Variants in ROBO2 observed in about 807,000 individuals in gnomAD.
The protein encoded by ROBO2 is roundabout homolog 2.
Under a neutral mutation model 160.8 loss-of-function variants are expected in ROBO2, and 53 were observed. That is an observed-to-expected ratio of 0.33 (90% CI 0.26 to 0.41). The LOEUF (loss-of-function observed/expected upper bound fraction) is 0.41, where lower values mean the gene tolerates loss of function less well. ROBO2 is among the 10% of genes least tolerant of loss of function. ROBO2 has a pLI of 1.00. For missense variants in ROBO2, 1,577 were observed against 1,722.4 expected (o/e 0.92, Z 1.49); for synonymous variants, 664 against 611.7 (o/e 1.09, Z -1.26).
intron 2 of ROBO2, among the ~76,000 whole-genome samples, chr3:77,115,801 A>T (rs561692493): frequency 1.3e-5 from 2 of 152,334 alleles, no homozygotes; most frequent in East Asian, 3.9e-4. Flanking sequence ...TCAGTCCAAG[A>T]TAAAAATGGT....
At chr3:76,375,196 C>G (rs2076284769) in intron 2 of ROBO2, among the ~76,000 whole-genome samples, 1 of 151,868 alleles carries the variant, frequency 6.6e-6, no homozygotes, top group Non-Finnish European at 1.5e-5. Flanking sequence ...TATGAGTTAC[C>G]TTAAATTTGG....
intron 2 of ROBO2, among the ~76,000 whole-genome samples, chr3:77,291,092 G>A (rs200571883): frequency 4.7e-3 from 707 of 150,450 alleles, no homozygotes; most frequent in Admixed American, 0.031. Context: ...TAAAATTGAC[G>A]GGTAAACGGG....
rs2078679605 is a variant in ROBO2 at position 76,948,021 on chromosome 3, A to C, written c.110-149993A>C. Among the ~76,000 whole-genome samples, 6 of 152,118 alleles carry C rather than the reference A, an allele frequency of 3.9e-5. No individual in the cohort carries two copies. In the South Asian group the frequency reaches 1.2e-3, roughly 31 times the overall value. Reference sequence around the variant, plus strand: ...CCTTTGTTTTTGAAGTATTCTCTTTAGAATTTCTTTTAGTGAGAGTCTAAG... The same window carrying C: ...CCTTTGTTTTTGAAGTATTCTCTTTCGAATTTCTTTTAGTGAGAGTCTAAG... On this transcript the variant is annotated intron_variant, in intron 2 of 26. Transcript: ENST00000487694.
chr3:75,933,185 T>G (rs543091629), intron 1 of ROBO2, among the ~76,000 whole-genome samples: 116 of 152,296 alleles, frequency 7.6e-4, no homozygotes, highest in African/African-American at 2.5e-3. Context: ...TAATGAAAAT[T>G]TTCCATTGAA....
intron 2 of ROBO2, among the ~76,000 whole-genome samples, chr3:76,463,818 G>A (rs1355838370): frequency 6.6e-6 from 1 of 152,122 alleles, no homozygotes; most frequent in African/African-American, 2.4e-5. Context: ...ACTGGTAGTT[G>A]CAATTTCGAG....
intron 15 of ROBO2, among the ~76,000 whole-genome samples, chr3:77,579,176 C>T (rs2093847779): frequency 1.3e-5 from 2 of 152,094 alleles, no homozygotes; most frequent in South Asian, 4.1e-4. Flanking sequence ...CAGTGGATTT[C>T]TTTTCATAAC....
intron 2 of ROBO2, among the ~76,000 whole-genome samples, chr3:76,456,798 A>G (rs2077783411): frequency 6.6e-6 from 1 of 152,198 alleles, no homozygotes; most frequent in Non-Finnish European, 1.5e-5. Context: ...ATGGCTGGGA[A>G]GGCCTCAAAA....
At chr3:76,107,778 A>G (rs2070013398) in intron 2 of ROBO2, among the ~76,000 whole-genome samples, 1 of 152,126 alleles carries the variant, frequency 6.6e-6, no homozygotes, top group Admixed American at 6.6e-5. Flanking sequence ...GGTTTCTGTT[A>G]CAAAATGTTT....
chr3:76,213,012 C>T (rs1281223788), intron 2 of ROBO2, among the ~76,000 whole-genome samples: 1 of 152,276 alleles, frequency 6.6e-6, no homozygotes, highest in East Asian at 1.9e-4. Flanking sequence ...AACACTATCT[C>T]TTTAGCCACA....
intron 2 of ROBO2, among the ~76,000 whole-genome samples, chr3:76,156,184 T>C (rs1011303110): frequency 1.3e-4 from 20 of 152,096 alleles, no homozygotes; most frequent in African/African-American, 4.6e-4. Context: ...TTACATATTA[T>C]AGAAGGAGAT....
intron 2 of ROBO2, among the ~76,000 whole-genome samples, chr3:76,697,384 C>A (rs188378326): frequency 6.6e-6 from 1 of 152,268 alleles, no homozygotes; most frequent in Non-Finnish European, 1.5e-5. Context: ...TGGCTCACAC[C>A]TGTAGTTCCA....
chr3:76,639,361 T>C (rs1247439384), intron 2 of ROBO2, among the ~76,000 whole-genome samples: 1 of 151,946 alleles, frequency 6.6e-6, no homozygotes. Context: ...TACATGCATA[T>C]ATACCTGCAT....
chr3:77,535,061 G>A (rs1269062871), intron 6 of ROBO2, among the ~76,000 whole-genome samples: 1 of 152,070 alleles, frequency 6.6e-6, no homozygotes, highest in Non-Finnish European at 1.5e-5. Flanking sequence ...ACAAAAAGAA[G>A]GCACTAATGA....
chr3:77,431,896 GT>G (rs1158103885), intron 2 of ROBO2, among the ~76,000 whole-genome samples: 1 of 152,126 alleles, frequency 6.6e-6, no homozygotes, highest in Non-Finnish European at 1.5e-5. Context: ...TGACACTGAT[GT>G]TTCTCTGTCT....
intron 2 of ROBO2, among the ~76,000 whole-genome samples, chr3:77,304,522 T>A (rs2062931340): frequency 6.6e-6 from 1 of 152,158 alleles, no homozygotes; most frequent in Non-Finnish European, 1.5e-5. Context: ...TGCAGAGGCT[T>A]TTCAGGGCTG....
chr3:76,005,892 T>C (rs1368818062), intron 2 of ROBO2, among the ~76,000 whole-genome samples: 1 of 152,206 alleles, frequency 6.6e-6, no homozygotes, highest in Non-Finnish European at 1.5e-5. Flanking sequence ...ATATTTCTTT[T>C]TTCAGTATTT....
intron 2 of ROBO2, among the ~76,000 whole-genome samples, chr3:77,218,109 C>T (rs1268225164): frequency 1.3e-5 from 2 of 152,234 alleles, no homozygotes; most frequent in East Asian, 1.9e-4. Flanking sequence ...CATAGACATC[C>T]TGTTTCAGTT....
rs115154923 is a variant in ROBO2, at chr3:76,951,540, C to T, written c.110-146474C>T. 1.7e-3 allele frequency among the ~76,000 whole-genome samples: 263 copies of T among 152,080 alleles called. 1 individual carries two copies. The highest frequency in any genetic ancestry group is 5.3e-3 in the African/African-American group (220 of 41,474). On this transcript the variant is annotated intron_variant, in intron 2 of 26. Transcript: ENST00000487694. ...ATGTGTGTGTTTATTTATAGATTTA[C>T]GTAAAGTTGAAAGAGAAAAAAGAAA...
At chr3:76,267,916 G>T (rs1481283523) in intron 2 of ROBO2, among the ~76,000 whole-genome samples, 1 of 152,110 alleles carries the variant, frequency 6.6e-6, no homozygotes, top group Non-Finnish European at 1.5e-5. Context: ...CCTCACAGCT[G>T]TACTATGCTT....
Sources: gnomAD v4.1 joint callset for allele counts (sites outside exome capture counted in the v4.1 genomes callset) on GRCh38, gnomAD v4.1.1 for gene constraint, MANE v1.5 for transcripts, NCBI Gene and HGNC (gene_info 2026-07-23, HGNC 2026-07-21) for gene names.